EGF: variants seen among roughly 807,000 people sequenced by gnomAD.
The protein encoded by EGF is epidermal growth factor, also known as pro-epidermal growth factor.
EGF carries 95 observed loss-of-function variants against 143.8 expected under a neutral mutation model. The ratio of observed to expected loss-of-function variants is 0.66; its 90% CI spans 0.56 to 0.78. The LOEUF (loss-of-function observed/expected upper bound fraction) is 0.78. EGF is among the 30% of genes least tolerant of loss of function. The pLI, the probability that EGF is intolerant of heterozygous loss-of-function variation, is 0.00. For missense variants in EGF, 1,320 were observed against 1,470.9 expected (o/e 0.90, Z 1.68); for synonymous variants, 510 against 510.5 (o/e 1.00, Z 0.01).
At chr4:109,986,553 A>G (rs938584795) in intron 16 of EGF, among the ~76,000 whole-genome samples, 3 of 152,166 alleles carry the variant, frequency 2.0e-5, no homozygotes, top group Admixed American at 6.6e-5. Flanking sequence ...TCCTACTTAG[A>G]TCATTTAACT....
In EGF at chr4:109,922,227, A is replaced by T. The variant is rs531947176; in HGVS notation, c.127+8765A>T. Among the ~76,000 whole-genome samples, 12 of 151,852 alleles carry T rather than the reference A, an allele frequency of 7.9e-5. 1 individual carries two copies. The highest frequency in any genetic ancestry group is 5.2e-4 in the Admixed American group (8 of 15,288). The stretch of plus-strand genomic sequence containing the variant: ...CAAAAGGCTTATTATTTTTTGGAAG[A>T]CAAATTTGAAAAACCTGCTGGAACT... On this transcript the variant is annotated intron_variant, in intron 1 of 23. Transcript: ENST00000265171.
chr4:109,938,942 T>C (rs1485464803), intron 1 of EGF, among the ~76,000 whole-genome samples: 1 of 152,094 alleles, frequency 6.6e-6, no homozygotes, highest in Admixed American at 6.5e-5. Context: ...TGGCCCCTAC[T>C]AGGAGGTGTC....
chr4:109,989,026 G>C (rs534674797), intron 18 of EGF, among the ~76,000 whole-genome samples: 5 of 152,118 alleles, frequency 3.3e-5, no homozygotes, highest in Non-Finnish European at 7.4e-5. Context: ...AGCCATCATG[G>C]GGGGAGTTGG....
At chr4:109,978,100 G>A (rs1379925270) in intron 13 of EGF, among the ~76,000 whole-genome samples, 1 of 152,058 alleles carries the variant, frequency 6.6e-6, no homozygotes, top group Non-Finnish European at 1.5e-5. Flanking sequence ...GCCATCTACT[G>A]GTATATATGT....
In EGF at chr4:109,961,753, C is replaced by A. The variant is rs576446955; in HGVS notation, c.1190-110C>A. On this transcript the variant is annotated intron_variant, in intron 7 of 23. Coordinates refer to ENST00000265171, the MANE Select transcript of EGF (RefSeq NM_001963.6). ...GTGGCTCACACCTGTAATCCCAACA[C>A]TTTGGGAGGTCAAGGCAGGAGGATC... 3.5e-6 allele frequency: 5 copies of A among 1,424,828 alleles called. No individual in the cohort carries two copies. In the South Asian group the frequency reaches 5.9e-5, roughly 17 times the overall value. The allele number at this position is 1,424,828 out of a possible 1,614,324, so 88.3% of individuals were successfully genotyped here. A position where few individuals can be genotyped will look rare whatever the true frequency, so the allele number is the denominator to read the frequency against.
At chr4:109,917,170 T>C (rs1409313947) in intron 1 of EGF, among the ~76,000 whole-genome samples, 1 of 152,246 alleles carries the variant, frequency 6.6e-6, no homozygotes, top group Non-Finnish European at 1.5e-5. Context: ...TTGCATATTT[T>C]TGCCCATGTG....
intron 22 of EGF, among the ~76,000 whole-genome samples, chr4:110,007,280 G>T (rs767987952): frequency 1.1e-4 from 17 of 152,130 alleles, no homozygotes; most frequent in South Asian, 2.1e-4. Flanking sequence ...TCCTCTTTCT[G>T]TTGTTTCTGA....
chr4:109,994,794 C>T lies in EGF; in HGVS notation c.2919C>T (p.Asp973=), dbSNP rs1578378327. The T allele has an allele frequency of 6.8e-6, 11 of 1,614,148 alleles. No individual in the cohort carries two copies. The highest frequency in any genetic ancestry group is 1.3e-5 in the African/African-American group (1 of 75,052). ...ACCACTATTCCGTAAGAAATAGTGA[C>T]TCTGAATGTCCCCTGTCCCACGATG... ...DDHHYSVRNS[D]SECPLSHDGY... is the part of the protein sequence containing the mutation. Residue 973 remains aspartate (D), a synonymous_variant, in exon 20 of 24, where the codon GAC becomes GAT. Transcript: ENST00000265171.
intron 21 of EGF, chr4:110,004,215 T>TACATAC (rs1553948184): frequency 0.019 from 6,742 of 356,712 alleles, 162 homozygotes; most frequent in Admixed American, 0.13. Flanking sequence ...TGGGCATACA[T>TACATAC]ACACACACAC....
intron 1 of EGF, 50 bp from the exon 2 acceptor site, chr4:109,940,896 T>A (rs767282690): frequency 4.5e-6 from 7 of 1,561,870 alleles, no homozygotes; most frequent in Non-Finnish European, 5.3e-6. Flanking sequence ...TTTGTTTAAA[T>A]GAGATAAAAT....
At chr4:109,914,270 G>A (rs1268559961) in intron 1 of EGF, among the ~76,000 whole-genome samples, 1 of 151,674 alleles carries the variant, frequency 6.6e-6, no homozygotes, top group African/African-American at 2.4e-5. Flanking sequence ...CGCCTTTGTT[G>A]ATGAGAGGTT....
At chr4:109,913,988 C>T (rs1030241311) in intron 1 of EGF, among the ~76,000 whole-genome samples, 1 of 152,206 alleles carries the variant, frequency 6.6e-6, no homozygotes, top group Non-Finnish European at 1.5e-5. Flanking sequence ...TTTCTCCCCA[C>T]TCTTACTGTT....
chr4:109,932,801 A>G (rs909398533), intron 1 of EGF, among the ~76,000 whole-genome samples: 4 of 152,196 alleles, frequency 2.6e-5, no homozygotes, highest in Non-Finnish European at 5.9e-5. Flanking sequence ...TGCATGATAC[A>G]CATAGCAGAG....
At chr4:109,954,194 G>A (rs148055001) in intron 5 of EGF, among the ~76,000 whole-genome samples, 2,383 of 152,184 alleles carry the variant, frequency 0.016, 62 homozygotes, top group African/African-American at 0.054. Flanking sequence ...TGGGACTACA[G>A]GCACATGCCA....
intron 19 of EGF, among the ~76,000 whole-genome samples, 179 bp downstream of exon 19, chr4:109,993,548 A>C (rs1360632972): frequency 6.6e-6 from 1 of 152,178 alleles, no homozygotes; most frequent in Non-Finnish European, 1.5e-5. Context: ...AAGTTTTCTT[A>C]ATTTAATAGC....
At chr4:109,938,707 A>G (rs1741351629) in intron 1 of EGF, among the ~76,000 whole-genome samples, 1 of 152,110 alleles carries the variant, frequency 6.6e-6, no homozygotes. Context: ...TTTGATGTGG[A>G]TGTCTTTTCT....
intron 5 of EGF, among the ~76,000 whole-genome samples, chr4:109,951,461 A>G (rs1455994637): frequency 6.6e-6 from 1 of 151,960 alleles, no homozygotes; most frequent in Non-Finnish European, 1.5e-5. Context: ...ATAATATCTG[A>G]GTACATAGGT....
intron 1 of EGF, among the ~76,000 whole-genome samples, chr4:109,939,697 AATT>A (rs1428548471): frequency 4.6e-5 from 7 of 152,196 alleles, no homozygotes; most frequent in Non-Finnish European, 1.0e-4. Context: ...TTGTAGCTTT[AATT>A]CAACGTACTC....
At chr4:109,914,737 C>T (rs1272258232) in intron 1 of EGF, among the ~76,000 whole-genome samples, 1 of 152,112 alleles carries the variant, frequency 6.6e-6, no homozygotes, top group Admixed American at 6.5e-5. Flanking sequence ...AGAACAGCAA[C>T]AAAAAGAGGG....
Sources: gnomAD v4.1 joint callset for allele counts (sites outside exome capture counted in the v4.1 genomes callset) on GRCh38, gnomAD v4.1.1 for gene constraint, MANE v1.5 for transcripts, NCBI Gene and HGNC (gene_info 2026-07-23, HGNC 2026-07-21) for gene names.